CLCN3: variants seen among roughly 807,000 people sequenced by gnomAD.
The protein encoded by CLCN3 is H(+)/Cl(-) exchange transporter 3.
A neutral mutation model predicts 83.4 loss-of-function variants in CLCN3; 16 were observed. The observed-to-expected ratio is 0.19, with a 90% CI of 0.13 to 0.29. CLCN3 has a LOEUF of 0.29. Ranked by LOEUF, CLCN3 falls within the 10% of genes least tolerant of loss-of-function variation. The probability of loss-of-function intolerance (pLI) is 1.00; values close to 1 mark genes in which losing one functional copy is unlikely to be tolerated. For missense variants in CLCN3, 544 were observed against 1,006.0 expected (o/e 0.54, Z 6.21); for synonymous variants, 322 against 346.2 (o/e 0.93, Z 0.78).
chr4:169,627,027 C>T (rs1773251668), intron 1 of CLCN3, among the ~76,000 whole-genome samples: 1 of 152,150 alleles, frequency 6.6e-6, no homozygotes, highest in Non-Finnish European at 1.5e-5. Flanking sequence ...CTGGCTTTCA[C>T]ACTGCTGCTA....
Position 169,697,196 on chromosome 4 carries a change from A to G in CLCN3, c.1025A>G (p.Tyr342Cys). Residue 342 changes from tyrosine to cysteine, a missense_variant, in exon 9 of 13, where the codon TAT becomes TGT. Transcript: ENST00000513761. ...GVLFSLEEVS[Y>C]YFPLKTLWRS... ...TCCTTTTCTTTTTTTTAGGTTAGCT[A>G]TTATTTTCCTCTCAAAACTTTATGG... 1 of 1,567,396 alleles carries G rather than the reference A, an allele frequency of 6.4e-7. No homozygotes were observed. The highest frequency in any genetic ancestry group is 8.6e-7 in the Non-Finnish European group (1 of 1,163,522).
At chr4:169,626,154 ATG>A (rs1264223285) in intron 1 of CLCN3, among the ~76,000 whole-genome samples, 1 of 152,220 alleles carries the variant, frequency 6.6e-6, no homozygotes, top group Non-Finnish European at 1.5e-5. Flanking sequence ...GGTTCAATTA[ATG>A]TGCTAGAGCA....
intron 2 of CLCN3, among the ~76,000 whole-genome samples, chr4:169,661,493 A>G (rs72694777): frequency 0.091 from 13,862 of 152,136 alleles, 661 homozygotes; most frequent in African/African-American, 0.12. Context: ...TAAACATTAT[A>G]ATGTATTCAA....
chr4:169,713,418 T>A, intron 12 of CLCN3, 123 bp downstream of exon 12: 1 of 684,696 alleles, frequency 1.5e-6, no homozygotes, highest in South Asian at 1.8e-5. Context: ...TGTCCTATGG[T>A]ATAGTCACAA....
In CLCN3 at chr4:169,713,314, G is replaced by C. The variant is rs766824292; in HGVS notation, c.2366+19G>C. On this transcript the variant is annotated intron_variant, in intron 12 of 12. Coordinates refer to ENST00000513761, the MANE Select transcript of CLCN3 (RefSeq NM_001829.4). ...ACAATGGGTAAGTCTGGTACCACAG[G>C]AATCAGTTCACTTGCTAGAATATAG... The C allele has an allele frequency of 6.4e-7, 1 of 1,566,414 alleles. No homozygotes were observed. The highest frequency in any genetic ancestry group is 2.2e-5 in the East Asian group (1 of 44,654).
Position 169,707,174 on chromosome 4 carries a change from A to G in CLCN3, c.2057A>G (p.Glu686Gly). ...TVDDIENMINETSYNGFPVIM... is the reference protein window; with the variant it reads ...TVDDIENMINGTSYNGFPVIM... Reference sequence around the variant, plus strand: ...GATGATATAGAAAACATGATTAATGAAACCAGCTACAATGGATTTCCTGTC... The same window carrying G: ...GATGATATAGAAAACATGATTAATGGAACCAGCTACAATGGATTTCCTGTC... Residue 686 changes from glutamate (E) to glycine (G), a missense_variant, in exon 11 of 13, where the codon GAA becomes GGA. Around this residue, in one of 6 missense-constraint regions of CLCN3, gnomAD observed 142 missense variants for 225.0 expected, o/e 0.63. Coordinates refer to ENST00000513761, the MANE Select transcript of CLCN3 (RefSeq NM_001829.4). The G allele has an allele frequency of 6.2e-7, 1 of 1,614,002 alleles. No homozygotes were observed. The highest frequency in any genetic ancestry group is 8.5e-7 in the Non-Finnish European group (1 of 1,179,840).
At chr4:169,708,684 A>G (rs1733082726) in intron 11 of CLCN3, among the ~76,000 whole-genome samples, 1 of 152,178 alleles carries the variant, frequency 6.6e-6, no homozygotes, top group Non-Finnish European at 1.5e-5. Flanking sequence ...ATTAAGAACT[A>G]TTCATTATCC....
At chr4:169,632,309 C>A (rs1773392973) in intron 1 of CLCN3, among the ~76,000 whole-genome samples, 2 of 152,102 alleles carry the variant, frequency 1.3e-5, no homozygotes, top group African/African-American at 4.8e-5. Context: ...GAAGTACATA[C>A]TTCTCAAAGT....
At chr4:169,705,687 T>A (rs566384066) in intron 10 of CLCN3, among the ~76,000 whole-genome samples, 1 of 152,294 alleles carries the variant, frequency 6.6e-6, no homozygotes, top group Non-Finnish European at 1.5e-5. Flanking sequence ...CTCCTTGCTA[T>A]TTTTAGGTAA....
intron 1 of CLCN3, among the ~76,000 whole-genome samples, chr4:169,622,089 C>T (rs992025804): frequency 6.6e-6 from 1 of 152,184 alleles, no homozygotes; most frequent in East Asian, 1.9e-4. Context: ...ATTGCATACC[C>T]TTCCCACCCC....
intron 2 of CLCN3, among the ~76,000 whole-genome samples, chr4:169,657,581 TA>T (rs1730923677): frequency 1.3e-5 from 2 of 152,228 alleles, no homozygotes; most frequent in Admixed American, 1.3e-4. Context: ...GTAGAACTCT[TA>T]AAATATTATT....
At chr4:169,678,385 T>A (rs542077900) in intron 2 of CLCN3, among the ~76,000 whole-genome samples, 26 of 152,362 alleles carry the variant, frequency 1.7e-4, no homozygotes, top group African/African-American at 5.3e-4. Flanking sequence ...TTTTCTCTAA[T>A]TGCAATGATT....
rs971857534 is a variant in CLCN3 at position 169,721,659 on chromosome 4, T to C, written c.*1662T>C. The C allele has an allele frequency of 2.0e-5, 3 of 152,212 alleles. No individual in the cohort carries two copies. Among genetic ancestry groups the C allele is most frequent in the South Asian group, 2.1e-4 (1 of 4,832 alleles). 9.4% of individuals were successfully genotyped at this position (152,212 alleles called of 1,614,324 possible). ...CATATTTGAAGTGGTCAGTGATGGTTTGAACATTTTTTGCAGGATGAGTGA... is the reference window on the plus strand; with the variant it reads ...CATATTTGAAGTGGTCAGTGATGGTCTGAACATTTTTTGCAGGATGAGTGA... On this transcript the variant is annotated 3_prime_UTR_variant, in exon 13 of 13. Transcript: ENST00000513761.
intron 1 of CLCN3, among the ~76,000 whole-genome samples, chr4:169,628,238 G>A (rs1773283436): frequency 6.6e-6 from 1 of 152,106 alleles, no homozygotes; most frequent in Non-Finnish European, 1.5e-5. Context: ...ATTTTGGGGA[G>A]GTAGGGTTAG....
intron 1 of CLCN3, among the ~76,000 whole-genome samples, chr4:169,628,539 C>G (rs571698940): frequency 2.6e-5 from 4 of 152,212 alleles, no homozygotes; most frequent in African/African-American, 9.6e-5. Flanking sequence ...AGCAAATGAG[C>G]ACATAAAAAA....
intron 2 of CLCN3, among the ~76,000 whole-genome samples, chr4:169,638,431 T>A (rs1220562197): frequency 1.3e-5 from 2 of 152,216 alleles, no homozygotes; most frequent in Non-Finnish European, 2.9e-5. Context: ...CTTGGATATT[T>A]ACTGGTTTAA....
chr4:169,660,376 G>C (rs565298994), intron 2 of CLCN3: 1 of 1,409,872 alleles, frequency 7.1e-7, no homozygotes, highest in East Asian at 2.8e-5. Flanking sequence ...AATCATGGAT[G>C]CTTCTTCCGA....
rs190743660 is a variant in CLCN3 at position 169,653,553 on chromosome 4, A to G, written c.160+17465A>G. Among the ~76,000 whole-genome samples, 1,011 of 147,560 alleles carry G rather than the reference A, an allele frequency of 6.9e-3. 9 individuals carry two copies. The highest frequency in any genetic ancestry group is 0.024 in the African/African-American group (971 of 40,206). On this transcript the variant is annotated intron_variant, in intron 2 of 12. Transcript: ENST00000513761. ...CTACTCAGGAGGCTGAGGCAGGAGA[A>G]TCACTTGAACCCGGAGGGTGGAGGT...
Position 169,720,121 on chromosome 4 carries a change from A to G in CLCN3, c.*124A>G. On this transcript the variant is annotated 3_prime_UTR_variant, in exon 13 of 13. Transcript: ENST00000513761. Reference sequence around the variant, plus strand: ...CTTTACAAAAAAAGAAAGGAAATATAAAAGCCGGGTTTTTGCAACATGGTT... The same window carrying G: ...CTTTACAAAAAAAGAAAGGAAATATGAAAGCCGGGTTTTTGCAACATGGTT... 1 of 1,482,818 alleles carries G rather than the reference A, an allele frequency of 6.7e-7. No individual in the cohort carries two copies. The highest frequency in any genetic ancestry group is 9.1e-7 in the Non-Finnish European group (1 of 1,095,074). 91.9% of individuals were successfully genotyped at this position (1,482,818 alleles called of 1,614,324 possible).
Sources: gnomAD v4.1 joint callset for allele counts (sites outside exome capture counted in the v4.1 genomes callset) on GRCh38, gnomAD v4.1.1 for gene constraint, gnomAD v4.1.1 regional missense constraint, MANE v1.5 for transcripts, NCBI Gene and HGNC (gene_info 2026-07-23, HGNC 2026-07-21) for gene names.